The following PRDM15 variants were observed in gnomAD, a reference collection of about 807,000 sequenced individuals.
PRDM15 encodes the protein PR/SET domain 15.
PRDM15 carries 64 observed loss-of-function variants against 128.6 expected under a neutral mutation model. That is an observed-to-expected ratio of 0.50 (90% CI 0.41 to 0.61). The LOEUF is 0.61. Ranked by LOEUF, PRDM15 falls within the 20% of genes least tolerant of loss-of-function variation. The probability of loss-of-function intolerance (pLI) is 0.00; values close to 1 mark genes in which losing one functional copy is unlikely to be tolerated. For missense variants in PRDM15, 1,242 were observed against 1,569.1 expected, an observed-to-expected ratio of 0.79 and a Z score of 3.52; for synonymous variants, 615 against 621.8, an observed-to-expected ratio of 0.99 and a Z score of 0.16.
chr21:41,839,565 C>T lies in PRDM15; in HGVS notation c.871+58G>A, dbSNP rs570971609. 8.0e-6 allele frequency: 12 copies of T among 1,491,362 alleles called. No homozygotes were observed. The Admixed American group carries it at 1.0e-4, about 13-fold the overall frequency. The allele number at this position is 1,491,362 out of a possible 1,614,324, so 92.4% of individuals were successfully genotyped here. On this transcript the variant is annotated intron_variant, in intron 7 of 23. Transcript: ENST00000398548. ...CTCTGCCCCCTGCCCCGCCAGCCCT[C>T]GGGCGCCAGGAGGGCTGCGCCCCAC... is the stretch of plus-strand genomic sequence containing the variant.
At position 41,879,093 on chromosome 21, in the gene PRDM15, T is replaced by G; in HGVS notation, c.-10+177A>C. Reference sequence around the variant, plus strand: ...GCCAACGGTGCCCGCAGCCGGCGAATGTAACAAAGAACAGTCGGCATGGCG... The same window carrying G: ...GCCAACGGTGCCCGCAGCCGGCGAAGGTAACAAAGAACAGTCGGCATGGCG... On this transcript the variant is annotated intron_variant, in intron 1 of 23. Transcript: ENST00000398548. The surrounding 1 kb of genome is among the most constrained non-coding windows in gnomAD (Gnocchi z 5.1). 1 of 1,125,374 alleles carries G rather than the reference T, an allele frequency of 8.9e-7. No individual in the cohort carries two copies. Among genetic ancestry groups the G allele is most frequent in the Non-Finnish European group, 1.1e-6 (1 of 895,446 alleles). The allele number at this position is 1,125,374 out of a possible 1,614,324, so 69.7% of individuals were successfully genotyped here.
chr21:41,819,500 T>G (rs2062173631), intron 18 of PRDM15, 82 bp downstream of exon 18: 25 of 783,302 alleles, frequency 3.2e-5, no homozygotes, highest in East Asian at 6.8e-5. Context: ...ACACTCCCAG[T>G]TCTCGCTCAT....
chr21:41,810,611 G>T lies in PRDM15; in HGVS notation c.2476+142C>A. On this transcript the variant is annotated intron_variant, in intron 20 of 23. Transcript: ENST00000398548. The surrounding 1 kb of genome is among the most constrained non-coding windows in gnomAD (Gnocchi z 6.4). ...CGGGTTGACCTTCAGAGGCCAAGGGGCCACCATGAAGCCAAGACAACACTA... is the reference window on the plus strand; with the variant it reads ...CGGGTTGACCTTCAGAGGCCAAGGGTCCACCATGAAGCCAAGACAACACTA... 1.4e-6 allele frequency: 1 copy of T among 694,430 alleles called. No homozygotes were observed. Among genetic ancestry groups the T allele is most frequent in the Non-Finnish European group, 2.4e-6 (1 of 409,304 alleles). The allele number at this position is 694,430 out of a possible 1,614,324, so 43.0% of individuals were successfully genotyped here.
rs574838499 is a variant in PRDM15 at position 41,860,156 on chromosome 21, G to A, written c.37+171C>T. Among the ~76,000 whole-genome samples, 3 of 152,280 alleles carry A rather than the reference G, an allele frequency of 2.0e-5. No individual in the cohort carries two copies. The South Asian group carries it at 6.2e-4, about 32-fold the overall frequency. ...CCTATTAAAACCATACCCCTGTAGT[G>A]TACTGCTTATTAAATAAATGTTTCA... On this transcript the variant is annotated intron_variant, in intron 2 of 23. Transcript: ENST00000398548.
chr21:41,825,972 C>G lies in PRDM15; in HGVS notation c.1617G>C (p.Pro539=), dbSNP rs753872143. 5 of 1,613,634 alleles carry G rather than the reference C, an allele frequency of 3.1e-6. No individual in the cohort carries two copies. The Admixed American group carries it at 5.0e-5, about 16-fold the overall frequency. The change falls in exon 13 of 24, where the codon CCG becomes CCC. Residue 539 remains proline (P), a synonymous_variant. Coordinates refer to ENST00000398548, the MANE Select transcript of PRDM15 (RefSeq NM_001040424.3). The stretch of plus-strand genomic sequence containing the variant: ...CTGCGAGCATTACCTTGCCACACAC[C>G]GGGCACCCGGAAGGCTCCTTCTTGT... ...VRYKKEPSGC[P]VCGKVFSCRS...
chr21:41,837,377 G>T (rs2062929684), intron 8 of PRDM15, among the ~76,000 whole-genome samples: 5 of 152,244 alleles, frequency 3.3e-5, no homozygotes, highest in Admixed American at 3.3e-4. Flanking sequence ...ATTACTCAGT[G>T]TTGAAGGAAA....
In PRDM15 at chr21:41,821,680, CCA is replaced by C. The variant is rs763746702; in HGVS notation, c.1896+221_1896+222del. ...AGTTCCTGGAGGGCGCCTGTGAGAC[CCA>C]CACAGACCGTCCCTGAGCACCAAGG... is the stretch of plus-strand genomic sequence containing the variant. On this transcript the variant is annotated intron_variant, in intron 15 of 23. Coordinates refer to ENST00000398548, the MANE Select transcript of PRDM15 (RefSeq NM_001040424.3). This position sits in a 1 kb window ranked among gnomAD's most constrained non-coding sequence, Gnocchi z 5.4. Among the ~76,000 whole-genome samples, 8 of 152,190 alleles carry C rather than the reference CCA, an allele frequency of 5.3e-5. No homozygotes were observed. The East Asian group carries it at 1.5e-3, about 29-fold the overall frequency.
intron 13 of PRDM15, among the ~76,000 whole-genome samples, chr21:41,824,943 G>A (rs115323576): frequency 0.018 from 2,720 of 152,382 alleles, 85 homozygotes; most frequent in African/African-American, 0.061. Flanking sequence ...TCCTGCGGGG[G>A]CCTGTGCTCC....
At chr21:41,840,793 T>C (rs2063052465) in intron 6 of PRDM15, among the ~76,000 whole-genome samples, 1 of 151,382 alleles carries the variant, frequency 6.6e-6, no homozygotes, top group Admixed American at 6.6e-5. Context: ...AAAACACATA[T>C]TAAAAAAAAG....
chr21:41,853,833 C>A (rs2063499363), intron 5 of PRDM15, among the ~76,000 whole-genome samples: 1 of 152,220 alleles, frequency 6.6e-6, no homozygotes, highest in African/African-American at 2.4e-5. Flanking sequence ...GAGGCCATTG[C>A]ACGGTGAGCA....
chr21:41,833,903 TG>T (rs1601287678), intron 11 of PRDM15, among the ~76,000 whole-genome samples: 2 of 152,198 alleles, frequency 1.3e-5, no homozygotes, highest in African/African-American at 2.4e-5. Context: ...GCATCACTCT[TG>T]GGAACCCCGA....
chr21:41,830,394 C>T (rs2062645050), intron 11 of PRDM15, among the ~76,000 whole-genome samples: 1 of 151,266 alleles, frequency 6.6e-6, no homozygotes, highest in Non-Finnish European at 1.5e-5. Context: ...ACACCAAATA[C>T]ACACACCACA....
intron 1 of PRDM15, among the ~76,000 whole-genome samples, chr21:41,874,523 A>ATTTT (rs879505958): frequency 0.1 from 7,797 of 77,998 alleles, 474 homozygotes; most frequent in Non-Finnish European, 0.15. Flanking sequence ...ATATATATAT[A>ATTTT]TATTTTTTTT....
At chr21:41,812,834 C>A (rs890047225) in intron 19 of PRDM15, 3 of 152,370 alleles carry the variant, frequency 2.0e-5, no homozygotes, top group Non-Finnish European at 4.4e-5. Flanking sequence ...CAGGGGAGAA[C>A]TGGGGAGTGT....
chr21:41,819,826 G>A (rs2062188212), intron 17 of PRDM15, 125 bp from the exon 18 acceptor site: 1 of 1,303,934 alleles, frequency 7.7e-7, no homozygotes, highest in Non-Finnish European at 1.0e-6. Context: ...CAGGGGTGGG[G>A]TCGCCTCTTC....
At chr21:41,852,066 G>A (rs931830102) in intron 5 of PRDM15, among the ~76,000 whole-genome samples, 1 of 152,190 alleles carries the variant, frequency 6.6e-6, no homozygotes, top group Non-Finnish European at 1.5e-5. Context: ...GACTCTGTTC[G>A]ACACCACAGT....
intron 11 of PRDM15, among the ~76,000 whole-genome samples, chr21:41,829,186 ACAC>A (rs2062591640): frequency 6.7e-6 from 1 of 149,618 alleles, no homozygotes; most frequent in Admixed American, 6.6e-5. Context: ...CCACATACAC[ACAC>A]CACACACACA....
In PRDM15 at chr21:41,821,036, C is replaced by G; in HGVS notation, c.2060+31G>C. ...AGGAAGCATGTCCCCTCTCTCCTGA[C>G]ACAACCCGGGAGCCCCCGACCAGGC... On this transcript the variant is annotated intron_variant, in intron 16 of 23. Transcript: ENST00000398548. This position sits in a 1 kb window ranked among gnomAD's most constrained non-coding sequence, Gnocchi z 5.4. 1 of 1,613,970 alleles carries G rather than the reference C, an allele frequency of 6.2e-7. No individual in the cohort carries two copies. The highest frequency in any genetic ancestry group is 1.3e-5 in the African/African-American group (1 of 75,040).
At chr21:41,861,413 T>C (rs527997985) in intron 1 of PRDM15, 5 of 658,760 alleles carry the variant, frequency 7.6e-6, no homozygotes, top group African/African-American at 5.5e-5. Context: ...ACATTGTTCA[T>C]TCTGGGGCCT....
Sources: gnomAD v4.1 joint callset for allele counts (sites outside exome capture counted in the v4.1 genomes callset) on GRCh38, gnomAD v4.1.1 for gene constraint, Gnocchi (gnomAD v3.1) non-coding constraint, MANE v1.5 for transcripts, NCBI Gene and HGNC (gene_info 2026-07-23, HGNC 2026-07-21) for gene names.